RBFOX1: variants seen among roughly 807,000 people sequenced by gnomAD.
RBFOX1 encodes the protein RNA binding protein fox-1 homolog 1.
A neutral mutation model predicts 57.7 loss-of-function variants in RBFOX1; 8 were observed. That is an observed-to-expected ratio of 0.14 (90% CI 0.08 to 0.25). RBFOX1 has a LOEUF of 0.25. Ranked by LOEUF, RBFOX1 falls within the 10% of genes least tolerant of loss-of-function variation. The pLI is 1.00. For missense variants in RBFOX1, 611 were observed against 548.5 expected, an observed-to-expected ratio of 1.11 and a Z score of -1.14; for synonymous variants, 326 against 222.4, an observed-to-expected ratio of 1.47 and a Z score of -4.15.
intron 4 of RBFOX1, among the ~76,000 whole-genome samples, chr16:7,130,799 G>A (rs979311437): frequency 6.6e-6 from 1 of 152,068 alleles, no homozygotes. Flanking sequence ...AAAAAATGGA[G>A]GAAAACTGAG....
chr16:6,621,305 C>CA (rs35821618), intron 2 of RBFOX1, among the ~76,000 whole-genome samples: 40,385 of 151,314 alleles, frequency 0.27, 5,583 homozygotes, highest in Non-Finnish European at 0.29. Flanking sequence ...ACTAAAAATA[C>CA]AAAAAAAAAT....
Position 7,214,476 on chromosome 16 carries a change from C to G in RBFOX1, c.27+162378C>G, listed in dbSNP as rs558267204. 5.9e-5 allele frequency among the ~76,000 whole-genome samples: 9 copies of G among 152,110 alleles called. No individual in the cohort carries two copies. The South Asian group carries it at 1.9e-3, about 32-fold the overall frequency. On this transcript the variant is annotated intron_variant, in intron 4 of 15. Transcript: ENST00000550418. ...GTCTTGCCATGCCTCTCCGATCCAT[C>G]CACTGCCTCCATCTCCATCATCTCT... is the stretch of plus-strand genomic sequence containing the variant.
intron 2 of RBFOX1, among the ~76,000 whole-genome samples, chr16:6,480,245 G>A (rs73524637): frequency 0.096 from 14,650 of 152,008 alleles, 2,122 homozygotes; most frequent in African/African-American, 0.32. Context: ...AACATATAGA[G>A]TATATATACA....
chr16:7,569,554 T>C (rs890049160), intron 5 of RBFOX1, among the ~76,000 whole-genome samples: 3 of 152,204 alleles, frequency 2.0e-5, no homozygotes, highest in East Asian at 1.9e-4. Flanking sequence ...GGATAATCTA[T>C]TTTATGGTCA....
intron 1 of RBFOX1, among the ~76,000 whole-genome samples, chr16:5,390,237 AT>A (rs1407853858): frequency 6.6e-6 from 1 of 151,760 alleles, no homozygotes; most frequent in African/African-American, 2.4e-5. Context: ...ATTTTATAAA[AT>A]ATATATGTAT....
chr16:5,986,324 A>G (rs2060285229), intron 4 of RBFOX1, among the ~76,000 whole-genome samples: 2 of 152,168 alleles, frequency 1.3e-5, no homozygotes, highest in Admixed American at 6.5e-5. Flanking sequence ...CCGGCCTCCC[A>G]TAGTGCTGGG....
chr16:6,766,107 C>T (rs74684057), intron 3 of RBFOX1, among the ~76,000 whole-genome samples: 1 of 151,588 alleles, frequency 6.6e-6, no homozygotes, highest in Admixed American at 6.6e-5. Context: ...CAAAACTAAC[C>T]TGTAACCCTA....
chr16:7,368,620 T>C (rs932551284), intron 4 of RBFOX1, among the ~76,000 whole-genome samples: 5 of 150,924 alleles, frequency 3.3e-5, no homozygotes, highest in Non-Finnish European at 3.0e-5. Context: ...CTACTAAAAA[T>C]ACAAAAAAAA....
intron 4 of RBFOX1, among the ~76,000 whole-genome samples, chr16:7,166,242 A>G (rs1376181129): frequency 6.7e-5 from 10 of 149,442 alleles, no homozygotes; most frequent in Admixed American, 7.0e-5. Context: ...TCGAATTCCT[A>G]TCCTCAAGTG....
chr16:7,453,053 C>T (rs1167944295), intron 4 of RBFOX1, among the ~76,000 whole-genome samples: 3 of 147,650 alleles, frequency 2.0e-5, no homozygotes, highest in Non-Finnish European at 3.0e-5. Flanking sequence ...CTCTTGAACC[C>T]GGGAGGTGGA....
chr16:5,745,478 A>G (rs2052942061), intron 3 of RBFOX1, among the ~76,000 whole-genome samples: 1 of 152,230 alleles, frequency 6.6e-6, no homozygotes, highest in Non-Finnish European at 1.5e-5. Context: ...TTGCTGGGTC[A>G]AATGATATTT....
At chr16:6,770,579 A>C (rs2078121058) in intron 3 of RBFOX1, among the ~76,000 whole-genome samples, 1 of 150,148 alleles carries the variant, frequency 6.7e-6, no homozygotes, top group Non-Finnish European at 1.5e-5. Flanking sequence ...TCACAATTTC[A>C]AGGTGTTCCC....
chr16:7,450,290 A>T (rs1209771215), intron 4 of RBFOX1, among the ~76,000 whole-genome samples: 2 of 145,932 alleles, frequency 1.4e-5, no homozygotes, highest in East Asian at 4.3e-4. Context: ...GCTACTTGGG[A>T]GGCTGAGGCA....
chr16:6,813,511 A>G (rs1460613744), intron 3 of RBFOX1, among the ~76,000 whole-genome samples: 8 of 152,132 alleles, frequency 5.3e-5, no homozygotes, highest in Non-Finnish European at 8.8e-5. Flanking sequence ...GCCCTATGCT[A>G]TGATCTGTCA....
chr16:6,513,509 G>A lies in RBFOX1; in HGVS notation c.-63-141094G>A, dbSNP rs552471608. On this transcript the variant is annotated intron_variant, in intron 2 of 15. Transcript: ENST00000550418. The stretch of plus-strand genomic sequence containing the variant: ...ATCACTTTGGGAGGTCGAGGCAGGC[G>A]GATCACCTGAGGTCAGGAGTTCGAG... Among the ~76,000 whole-genome samples the A allele has an allele frequency of 5.6e-3, 857 of 152,212 alleles. 12 individuals carry two copies. The highest frequency in any genetic ancestry group is 5.4e-3 in the Non-Finnish European group (369 of 68,024).
intron 2 of RBFOX1, among the ~76,000 whole-genome samples, chr16:6,348,545 A>C (rs1433561844): frequency 2.6e-5 from 4 of 152,148 alleles, no homozygotes; most frequent in Non-Finnish European, 4.4e-5. Context: ...AGAAATGAGC[A>C]TTAATTGGAT....
At chr16:5,454,862 CTT>C (rs1555524112) in intron 1 of RBFOX1, among the ~76,000 whole-genome samples, 1 of 21,306 alleles carries the variant, frequency 4.7e-5, no homozygotes, top group Non-Finnish European at 1.1e-4. Context: ...TCTTTTCTTT[CTT>C]TCTTTCTTTC....
At chr16:7,694,969 G>A (rs889575170) in intron 14 of RBFOX1, among the ~76,000 whole-genome samples, 1 of 152,114 alleles carries the variant, frequency 6.6e-6, no homozygotes, top group Non-Finnish European at 1.5e-5. Context: ...AAAAGATATT[G>A]ATTTTGCCCC....
At chr16:5,365,168 G>A (rs111922131) in intron 1 of RBFOX1, among the ~76,000 whole-genome samples, 234 of 152,220 alleles carry the variant, frequency 1.5e-3, no homozygotes, top group African/African-American at 5.4e-3. Flanking sequence ...ACATCCCTAA[G>A]TACCGCTTCG....
Sources: allele counts gnomAD v4.1 joint callset (sites outside exome capture counted in the v4.1 genomes callset), GRCh38; gene constraint gnomAD v4.1.1; transcripts MANE v1.5; gene names NCBI Gene and HGNC (gene_info 2026-07-23, HGNC 2026-07-21).